Variants in RBFOX1 observed in about 807,000 individuals in gnomAD.
RBFOX1 encodes RNA binding protein fox-1 homolog 1.
In RBFOX1, 8 loss-of-function variants were observed where a neutral mutation model predicts 57.7. The ratio of observed to expected loss-of-function variants is 0.14; its 90% CI spans 0.08 to 0.25. The LOEUF (loss-of-function observed/expected upper bound fraction) is 0.25. RBFOX1 is among the 10% of genes least tolerant of loss of function. RBFOX1 has a pLI of 1.00. For missense variants in RBFOX1, 611 were observed against 548.5 expected (o/e 1.11, Z -1.14); for synonymous variants, 326 against 222.4 (o/e 1.47, Z -4.15).
At chr16:7,126,652 G>T in intron 4 of RBFOX1, 1 of 153,844 alleles carries the variant, frequency 6.5e-6, no homozygotes, top group South Asian at 1.9e-4. Flanking sequence ...TGGAGGCAAG[G>T]ACCGGAGATC....
intron 1 of RBFOX1, among the ~76,000 whole-genome samples, chr16:6,088,904 C>A (rs35538490): frequency 0.029 from 4,364 of 151,660 alleles, 227 homozygotes; most frequent in African/African-American, 0.1. Context: ...ATACCATCCT[C>A]GCTAACACAG....
At chr16:7,457,142 C>T (rs140980011) in intron 4 of RBFOX1, among the ~76,000 whole-genome samples, 6 of 152,104 alleles carry the variant, frequency 3.9e-5, no homozygotes, top group Non-Finnish European at 5.9e-5. Context: ...CTGCCTCAGC[C>T]TCCCAAAGTG....
At chr16:5,471,189 C>T (rs1183150346) in intron 2 of RBFOX1, among the ~76,000 whole-genome samples, 1 of 152,138 alleles carries the variant, frequency 6.6e-6, no homozygotes, top group Non-Finnish European at 1.5e-5. Context: ...ATCCACACAG[C>T]CCCCAGAGCA....
At chr16:6,980,389 T>C (rs1183001845) in intron 3 of RBFOX1, among the ~76,000 whole-genome samples, 1 of 152,210 alleles carries the variant, frequency 6.6e-6, no homozygotes, top group African/African-American at 2.4e-5. Flanking sequence ...CTTATCTTTT[T>C]CCTTCATGAG....
intron 4 of RBFOX1, among the ~76,000 whole-genome samples, chr16:5,937,810 A>G (rs1788916362): frequency 1.3e-5 from 2 of 150,062 alleles, no homozygotes. Context: ...TATAAATTAT[A>G]CAAATATATG....
At chr16:5,912,527 C>T (rs925607362) in intron 4 of RBFOX1, among the ~76,000 whole-genome samples, 1 of 152,164 alleles carries the variant, frequency 6.6e-6, no homozygotes, top group Admixed American at 6.5e-5. Context: ...AGATGCATTG[C>T]ACGTTGAAAG....
At chr16:5,472,218 G>T (rs2069161634) in intron 2 of RBFOX1, among the ~76,000 whole-genome samples, 1 of 151,988 alleles carries the variant, frequency 6.6e-6, no homozygotes. Flanking sequence ...TTCTGTTTCG[G>T]TTCCTCCTCA....
chr16:5,507,573 A>G (rs2043421247), intron 2 of RBFOX1, among the ~76,000 whole-genome samples: 1 of 152,212 alleles, frequency 6.6e-6, no homozygotes, highest in Non-Finnish European at 1.5e-5. Flanking sequence ...ACCACAAGAT[A>G]TGTTGAAGTC....
intron 3 of RBFOX1, among the ~76,000 whole-genome samples, chr16:6,948,770 C>A (rs560959902): frequency 1.3e-5 from 2 of 152,254 alleles, no homozygotes; most frequent in African/African-American, 2.4e-5. Flanking sequence ...AATGCCCATA[C>A]AATCCAGAAG....
intron 3 of RBFOX1, among the ~76,000 whole-genome samples, chr16:6,876,909 G>A (rs118130352): frequency 0.014 from 2,056 of 152,202 alleles, 33 homozygotes; most frequent in Middle Eastern, 0.075. Flanking sequence ...ACCAAGTACT[G>A]GGTACACTAT....
At chr16:7,005,067 C>G (rs1048098576) in intron 3 of RBFOX1, among the ~76,000 whole-genome samples, 1 of 152,152 alleles carries the variant, frequency 6.6e-6, no homozygotes, top group African/African-American at 2.4e-5. Context: ...TTCCTTGAAT[C>G]CAGGAGGCAG....
intron 1 of RBFOX1, chr16:5,260,610 T>C (rs2062709393): frequency 6.6e-6 from 1 of 152,240 alleles, no homozygotes; most frequent in Non-Finnish European, 1.5e-5. Flanking sequence ...TAGAAGTCTT[T>C]ACAGTTGACT....
chr16:7,369,667 T>G (rs1454460254), intron 4 of RBFOX1, among the ~76,000 whole-genome samples: 1 of 152,184 alleles, frequency 6.6e-6, no homozygotes, highest in Non-Finnish European at 1.5e-5. Context: ...TGAGACTAGT[T>G]TATTCCTGGG....
intron 5 of RBFOX1, among the ~76,000 whole-genome samples, chr16:7,528,800 A>G (rs999434664): frequency 2.0e-5 from 3 of 152,130 alleles, no homozygotes; most frequent in Non-Finnish European, 2.9e-5. Context: ...ATTCCATGCA[A>G]TTTTTGAATT....
chr16:7,262,528 C>G (rs1373846561), intron 4 of RBFOX1, among the ~76,000 whole-genome samples: 4 of 152,360 alleles, frequency 2.6e-5, no homozygotes, highest in Middle Eastern at 3.4e-3. Flanking sequence ...GCCACATTTG[C>G]AGGCATGCAT....
chr16:6,296,819 C>T (rs992182198), intron 1 of RBFOX1, among the ~76,000 whole-genome samples: 3 of 152,106 alleles, frequency 2.0e-5, no homozygotes, highest in East Asian at 1.9e-4. Context: ...TGTTACCACA[C>T]CGAGGTACCG....
chr16:7,490,341 A>C (rs8056628), intron 4 of RBFOX1, among the ~76,000 whole-genome samples: 2 of 152,168 alleles, frequency 1.3e-5, no homozygotes, highest in Non-Finnish European at 2.9e-5. Flanking sequence ...GCTCAGCTCT[A>C]TCAGGGCTCT....
chr16:6,388,817 A>T (rs1009940518), intron 2 of RBFOX1, among the ~76,000 whole-genome samples: 1 of 152,198 alleles, frequency 6.6e-6, no homozygotes, highest in African/African-American at 2.4e-5. Context: ...CGGCTAAATA[A>T]ACTAAGCCAG....
intron 3 of RBFOX1, among the ~76,000 whole-genome samples, chr16:6,867,049 A>G (rs543891241): frequency 3.4e-4 from 51 of 151,228 alleles, no homozygotes; most frequent in African/African-American, 1.2e-3. Flanking sequence ...ATGTCTTGCT[A>G]TTATTATGAG....
Sources: gnomAD v4.1 joint callset for allele counts (sites outside exome capture counted in the v4.1 genomes callset) on GRCh38, gnomAD v4.1.1 for gene constraint, MANE v1.5 for transcripts, NCBI Gene and HGNC (gene_info 2026-07-23, HGNC 2026-07-21) for gene names.